The following IFT56 variants were observed in gnomAD, a reference collection of about 807,000 sequenced individuals.
IFT56 encodes the protein intraflagellar transport protein 56.
the IFT56 span, chr7:139,181,109 C>G: frequency 1.2e-6 from 2 of 1,607,910 alleles, no homozygotes; most frequent in South Asian, 2.2e-5. Context: ...GAATAAGAAA[C>G]CAAGACTAGC....
chr7:139,182,252 G>A, the IFT56 span, among the ~76,000 whole-genome samples: 2 of 152,078 alleles, frequency 1.3e-5, no homozygotes, highest in African/African-American at 4.8e-5. Context: ...TCAGGTAAAT[G>A]TCAGGTAAAG....
At chr7:139,143,988 T>C in the IFT56 span, among the ~76,000 whole-genome samples, 1 of 152,154 alleles carries the variant, frequency 6.6e-6, no homozygotes, top group Non-Finnish European at 1.5e-5. Flanking sequence ...TATGTGCAAA[T>C]TTGAAAAATA....
the IFT56 span, among the ~76,000 whole-genome samples, chr7:139,186,821 G>A: frequency 1.3e-5 from 2 of 151,962 alleles, no homozygotes; most frequent in Non-Finnish European, 2.9e-5. Context: ...GTGGCCGGGC[G>A]CGGTGGCTCA....
chr7:139,180,918 G>T, the IFT56 span, among the ~76,000 whole-genome samples: 1 of 152,142 alleles, frequency 6.6e-6, no homozygotes, highest in Admixed American at 6.5e-5. Context: ...TTTTAAGTAT[G>T]GTAGAATTCT....
chr7:139,174,117 A>G, the IFT56 span: 2 of 595,610 alleles, frequency 3.4e-6, no homozygotes, highest in Non-Finnish European at 3.3e-6. Context: ...TTGCCAATTG[A>G]TGCTGTAATC....
the IFT56 span, chr7:139,181,168 C>G: frequency 1.2e-6 from 2 of 1,613,128 alleles, no homozygotes; most frequent in Non-Finnish European, 1.7e-6. Context: ...CCTTCAGTCT[C>G]TTACAGCTCA....
At chr7:139,143,413 T>C in the IFT56 span, among the ~76,000 whole-genome samples, 1 of 151,992 alleles carries the variant, frequency 6.6e-6, no homozygotes, top group Non-Finnish European at 1.5e-5. Context: ...AATGTCTTCC[T>C]AGTAGACTGA....
chr7:139,157,495 ATTTTTT>A, the IFT56 span, among the ~76,000 whole-genome samples: 1 of 82,452 alleles, frequency 1.2e-5, no homozygotes, highest in African/African-American at 4.6e-5. Flanking sequence ...TTTGTATTGG[ATTTTTT>A]TTTTTTTTTT....
At chr7:139,186,857 G>A in the IFT56 span, among the ~76,000 whole-genome samples, 9 of 151,816 alleles carry the variant, frequency 5.9e-5, 1 homozygote, top group South Asian at 1.9e-3. Flanking sequence ...CACTTTGGGA[G>A]GCTGAGACGG....
At chr7:139,166,059 G>A in the IFT56 span, among the ~76,000 whole-genome samples, 2 of 152,170 alleles carry the variant, frequency 1.3e-5, no homozygotes, top group Admixed American at 1.3e-4. Flanking sequence ...CAAGTTTCAA[G>A]CAATTCTCCT....
chr7:139,144,101 C>T, the IFT56 span, among the ~76,000 whole-genome samples: 1 of 152,060 alleles, frequency 6.6e-6, no homozygotes, highest in Middle Eastern at 3.4e-3. Flanking sequence ...TTCCATTGCT[C>T]TTCATTTCTT....
chr7:139,139,568 G>T, the IFT56 span, among the ~76,000 whole-genome samples: 4 of 152,038 alleles, frequency 2.6e-5, no homozygotes, highest in Non-Finnish European at 5.9e-5. Context: ...TTTCTTAAAG[G>T]GTATCTTGTA....
At chr7:139,178,340 A>T in the IFT56 span, 21 of 1,547,570 alleles carry the variant, frequency 1.4e-5, no homozygotes, top group Non-Finnish European at 1.7e-5. Context: ...TATATACAAA[A>T]TACTATGGAA....
the IFT56 span, chr7:139,179,572 A>G: frequency 6.2e-7 from 1 of 1,613,656 alleles, no homozygotes. Context: ...CTCTTCTTGC[A>G]GGCGTTCCTC....
At chr7:139,187,661 A>G in the IFT56 span, 22 of 1,273,576 alleles carry the variant, frequency 1.7e-5, no homozygotes, top group Non-Finnish European at 2.3e-5. Flanking sequence ...AGAATGATGA[A>G]AAAAAGGTTG....
the IFT56 span, chr7:139,161,087 T>A: frequency 7.2e-7 from 1 of 1,392,860 alleles, no homozygotes; most frequent in Non-Finnish European, 1.0e-6. Flanking sequence ...TCACAGCAAT[T>A]AGAAAGATTA....
the IFT56 span, among the ~76,000 whole-genome samples, chr7:139,145,415 C>T: frequency 3.3e-5 from 5 of 151,566 alleles, no homozygotes; most frequent in East Asian, 5.8e-4. Flanking sequence ...GAACCCTTCA[C>T]GTAGATTTTT....
At chr7:139,175,886 G>A in the IFT56 span, among the ~76,000 whole-genome samples, 1 of 152,080 alleles carries the variant, frequency 6.6e-6, no homozygotes, top group Non-Finnish European at 1.5e-5. Flanking sequence ...CTGGAATGCG[G>A]TGGCATGATT....
At chr7:139,167,401 T>C in the IFT56 span, among the ~76,000 whole-genome samples, 1 of 152,186 alleles carries the variant, frequency 6.6e-6, no homozygotes, top group East Asian at 1.9e-4. Flanking sequence ...TAAACAAGTA[T>C]ATTTCTCAAG....
Sources: allele counts gnomAD v4.1 joint callset (sites outside exome capture counted in the v4.1 genomes callset), GRCh38; gene constraint gnomAD v4.1.1; transcripts MANE v1.5; gene names NCBI Gene and HGNC (gene_info 2026-07-23, HGNC 2026-07-21).